Variants in WDR26 observed in about 807,000 individuals in gnomAD.
WDR26 encodes the protein WD repeat domain 26.
A neutral mutation model predicts 84.1 loss-of-function variants in WDR26; 5 were observed. The observed-to-expected ratio is 0.06, with a 90% CI of 0.03 to 0.13. The LOEUF is 0.13. WDR26 is among the 10% of genes least tolerant of loss of function. The pLI, the probability that WDR26 is intolerant of heterozygous loss-of-function variation, is 1.00. For synonymous variants in WDR26, 415 were observed against 389.6 expected (o/e 1.07, Z -0.77); for missense variants, 642 against 974.9 (o/e 0.66, Z 4.55).
intron 12 of WDR26, chr1:224,397,578 C>G (rs956264991): frequency 6.6e-6 from 1 of 152,310 alleles, no homozygotes; most frequent in Non-Finnish European, 1.5e-5. Flanking sequence ...ATAATTTCAG[C>G]TTTCCTAAAA....
At chr1:224,423,309 C>T (rs1045748272) in intron 4 of WDR26, among the ~76,000 whole-genome samples, 1 of 152,172 alleles carries the variant, frequency 6.6e-6, no homozygotes, top group African/African-American at 2.4e-5. Context: ...ACATCATTGT[C>T]CTATTCTTGA....
At chr1:224,401,201 C>A (rs1673403309) in intron 8 of WDR26, 132 bp from the exon 9 acceptor site, 2 of 855,418 alleles carry the variant, frequency 2.3e-6, no homozygotes, top group Non-Finnish European at 3.4e-6. Context: ...AATTAAGTGA[C>A]CCTACAAAAA....
chr1:224,422,698 T>C (rs959691299), intron 4 of WDR26, among the ~76,000 whole-genome samples: 13 of 135,452 alleles, frequency 9.6e-5, no homozygotes, highest in Non-Finnish European at 2.0e-4. Context: ...TGGGTGACAA[T>C]AGTGAAACTC....
At chr1:224,404,131 G>A (rs1253877212) in intron 8 of WDR26, among the ~76,000 whole-genome samples, 1 of 152,112 alleles carries the variant, frequency 6.6e-6, no homozygotes, top group Non-Finnish European at 1.5e-5. Context: ...GTACAATTGT[G>A]AAACTATGAA....
At chr1:224,403,128 G>A (rs959276511) in intron 8 of WDR26, among the ~76,000 whole-genome samples, 5 of 151,518 alleles carry the variant, frequency 3.3e-5, no homozygotes, top group Admixed American at 1.3e-4. Context: ...GCAGTGGCAC[G>A]ATCCCAGCCT....
In WDR26 at chr1:224,434,709, CGGCAGCGGA is replaced by C; in HGVS notation, c.-313_-305del. 1 of 952,094 alleles carries C rather than the reference CGGCAGCGGA, an allele frequency of 1.1e-6. No homozygotes were observed. The highest frequency in any genetic ancestry group is 1.2e-6 in the Non-Finnish European group (1 of 800,360). 59.0% of individuals were successfully genotyped at this position (952,094 alleles called of 1,614,324 possible). A position where few individuals can be genotyped will look rare whatever the true frequency, so the allele number is the denominator to read the frequency against. On this transcript the variant is annotated 5_prime_UTR_variant, in exon 1 of 14. Coordinates refer to ENST00000414423, the MANE Select transcript of WDR26 (RefSeq NM_001379403.1). The stretch of plus-strand genomic sequence containing the variant: ...TGGCTGCGGCGGCGGCGGCGGCGGG[CGGCAGCGGA>C]GGCAGCTGCCGCCTCTGTCCTCGGA...
intron 4 of WDR26, among the ~76,000 whole-genome samples, chr1:224,421,606 G>C (rs987643264): frequency 4.6e-5 from 7 of 151,942 alleles, no homozygotes; most frequent in African/African-American, 1.7e-4. Flanking sequence ...AAAGGTAATC[G>C]GAACAAGAAA....
chr1:224,431,009 T>C lies in WDR26; in HGVS notation c.927+468A>G, dbSNP rs938538183. 9 of 154,420 alleles carry C rather than the reference T, an allele frequency of 5.8e-5. No individual in the cohort carries two copies. In the South Asian group the frequency reaches 1.7e-3, roughly 29 times the overall value. The allele number at this position is 154,420 out of a possible 1,614,324, so 9.6% of individuals were successfully genotyped here. A position where few individuals can be genotyped will look rare whatever the true frequency, so the allele number is the denominator to read the frequency against. On this transcript the variant is annotated intron_variant, in intron 3 of 13. Coordinates refer to ENST00000414423, the MANE Select transcript of WDR26 (RefSeq NM_001379403.1). ...AATTCACACAACTGGAATGCAAGAA[T>C]GGAAAATGGCCAGCACACAAATGGA...
chr1:224,401,671 C>CAAAAAAACAAAA (rs1673417093), intron 8 of WDR26, among the ~76,000 whole-genome samples: 1 of 49,640 alleles, frequency 2.0e-5, no homozygotes, highest in African/African-American at 1.2e-4. Context: ...GAGACTGTCT[C>CAAAAAAACAAAA]AAAAAAAAAA....
chr1:224,394,442 A>G (rs1374075545), intron 12 of WDR26, among the ~76,000 whole-genome samples: 3 of 152,220 alleles, frequency 2.0e-5, no homozygotes, highest in East Asian at 3.8e-4. Context: ...ACTAGGTATC[A>G]AGTACTTAAT....
In WDR26 at chr1:224,401,027, T is replaced by C. The variant is rs2102894017; in HGVS notation, c.1642A>G (p.Ser548Gly). 6.2e-7 allele frequency: 1 copy of C among 1,614,114 alleles called. No homozygotes were observed. The change falls in exon 9 of 14, where the codon AGT (serine) becomes GGT (glycine). Residue 548 changes from serine (S) to glycine (G), a missense_variant. By Grantham distance (56) the Ser-to-Gly change is moderately conservative. This residue lies in a region of WDR26 where 351 missense variants were observed against 672.8 expected (regional missense o/e 0.52). Coordinates refer to ENST00000414423, the MANE Select transcript of WDR26 (RefSeq NM_001379403.1). ...GGATTCCAAGCCACACTTGTCAAAC[T>C]GTCTTCATGAGACTGGCTCATTTTT...
rs760587210 is a variant in WDR26 at position 224,398,843 on chromosome 1, A to C, written c.1865+46T>G. On this transcript the variant is annotated intron_variant, in intron 10 of 13. Transcript: ENST00000414423. ...AAGGCAAGTTCCACTACACATTTGA[A>C]TATAAATCAGGTAATTGTTGTTTAA... is the stretch of plus-strand genomic sequence containing the variant. The C allele has an allele frequency of 4.4e-6, 7 of 1,606,490 alleles. No homozygotes were observed. In the East Asian group the frequency reaches 1.6e-4, roughly 36 times the overall value.
chr1:224,431,345 T>A (rs549088046), intron 3 of WDR26, 132 bp downstream of exon 3: 4 of 711,482 alleles, frequency 5.6e-6, no homozygotes, highest in South Asian at 3.7e-5. Flanking sequence ...ATTATACTCA[T>A]CCTAGTTTAC....
At chr1:224,401,842 C>T (rs1673431142) in intron 8 of WDR26, among the ~76,000 whole-genome samples, 1 of 151,912 alleles carries the variant, frequency 6.6e-6, no homozygotes. Context: ...TTTTCTGATA[C>T]ACAACCTTAT....
At chr1:224,431,659 C>T in intron 2 of WDR26, 23 bp downstream of exon 2, 2 of 1,611,008 alleles carry the variant, frequency 1.2e-6, no homozygotes, top group South Asian at 2.2e-5. Context: ...AGCAGTCACA[C>T]AGCTCTATAT....
rs149689995 is a variant in WDR26 at position 224,417,228 on chromosome 1, A to G, written c.1319+1032T>C. Among the ~76,000 whole-genome samples, 66 of 152,312 alleles carry G rather than the reference A, an allele frequency of 4.3e-4. No individual in the cohort carries two copies. In the East Asian group the frequency reaches 0.012, roughly 27 times the overall value. ...CGTTATTCCAAAGTCCTCATACTTA[A>G]TATGTTTTTGTCCTTATTTATGTTA... On this transcript the variant is annotated intron_variant, in intron 6 of 13. Coordinates refer to ENST00000414423, the MANE Select transcript of WDR26 (RefSeq NM_001379403.1).
chr1:224,426,946 C>CA (rs1364128680), intron 3 of WDR26, among the ~76,000 whole-genome samples: 3 of 149,480 alleles, frequency 2.0e-5, no homozygotes, highest in Admixed American at 6.7e-5. Flanking sequence ...AAAAAAAATA[C>CA]AAAAAAATTA....
intron 12 of WDR26, among the ~76,000 whole-genome samples, chr1:224,397,347 T>C (rs1482405981): frequency 1.3e-5 from 2 of 152,174 alleles, no homozygotes; most frequent in Non-Finnish European, 2.9e-5. Context: ...ACAGTGGGTA[T>C]TGAAGAAAAA....
chr1:224,403,565 G>T (rs765152310), intron 8 of WDR26, among the ~76,000 whole-genome samples: 13 of 152,156 alleles, frequency 8.5e-5, no homozygotes, highest in Admixed American at 4.6e-4. Flanking sequence ...TCTAAAACAT[G>T]AACTGTAAAT....
Sources: gnomAD v4.1 joint callset for allele counts (sites outside exome capture counted in the v4.1 genomes callset) on GRCh38, gnomAD v4.1.1 for gene constraint, gnomAD v4.1.1 regional missense constraint, MANE v1.5 for transcripts, NCBI Gene and HGNC (gene_info 2026-07-23, HGNC 2026-07-21) for gene names.